Variants in HHAT observed in about 807,000 individuals in gnomAD.
HHAT encodes protein-cysteine N-palmitoyltransferase HHAT.
HHAT carries 47 observed loss-of-function variants against 70.8 expected under a neutral mutation model. The ratio of observed to expected loss-of-function variants is 0.66; its 90% CI spans 0.53 to 0.85. HHAT has a LOEUF of 0.85. HHAT is among the 40% of genes least tolerant of loss of function. The pLI, the probability that HHAT is intolerant of heterozygous loss-of-function variation, is 0.00. For missense variants in HHAT, 609 were observed against 604.8 expected (o/e 1.01, Z -0.07); for synonymous variants, 228 against 247.6 (o/e 0.92, Z 0.74).
chr1:210,377,633 T>C (rs745816030), intron 3 of HHAT, among the ~76,000 whole-genome samples: 2 of 152,204 alleles, frequency 1.3e-5, no homozygotes, highest in African/African-American at 2.4e-5. Flanking sequence ...TGAGTTTAGG[T>C]TGGCAGTTGG....
rs1446826223 is a variant in HHAT at position 210,335,193 on chromosome 1, A to C, written c.-44+6089A>C. ...ATAAAAAGGATAATAAATCATGACCAAGTTGGATTTATTTCAGGAATGTAA... is the reference window on the plus strand; with the variant it reads ...ATAAAAAGGATAATAAATCATGACCCAGTTGGATTTATTTCAGGAATGTAA... On this transcript the variant is annotated intron_variant, in intron 1 of 11. Transcript: ENST00000261458. 2.6e-5 allele frequency among the ~76,000 whole-genome samples: 4 copies of C among 152,270 alleles called. No homozygotes were observed. The East Asian group carries it at 5.8e-4, about 22-fold the overall frequency.
chr1:210,522,403 AAAGTGAAGAACATGT>A (rs1447988344), intron 9 of HHAT, among the ~76,000 whole-genome samples: 3 of 152,240 alleles, frequency 2.0e-5, no homozygotes, highest in Non-Finnish European at 4.4e-5. Context: ...TTTTAAATAA[AAAGTGAAGAACATGT>A]AAGTGAAGAG....
intron 8 of HHAT, among the ~76,000 whole-genome samples, chr1:210,508,483 T>C (rs2094900699): frequency 6.7e-6 from 1 of 150,304 alleles, no homozygotes; most frequent in Admixed American, 6.7e-5. Context: ...TAACAGTTTA[T>C]AGTTTTAAAT....
chr1:210,505,348 T>G (rs1453036089), intron 8 of HHAT, among the ~76,000 whole-genome samples: 1 of 152,168 alleles, frequency 6.6e-6, no homozygotes, highest in African/African-American at 2.4e-5. Context: ...AATAAAGATG[T>G]TGCTTGAGAC....
intron 3 of HHAT, among the ~76,000 whole-genome samples, chr1:210,385,915 T>C (rs888778483): frequency 1.3e-4 from 20 of 152,170 alleles, no homozygotes; most frequent in Admixed American, 3.3e-4. Context: ...ACAGAAAGGT[T>C]AAGAATCATG....
intron 11 of HHAT, among the ~76,000 whole-genome samples, chr1:210,648,345 C>T (rs1292464912): frequency 6.6e-6 from 1 of 152,218 alleles, no homozygotes; most frequent in African/African-American, 2.4e-5. Flanking sequence ...TGCTGCCTCA[C>T]TGATCCTCAG....
intron 3 of HHAT, among the ~76,000 whole-genome samples, chr1:210,375,675 C>T (rs563375128): frequency 2.0e-5 from 3 of 150,368 alleles, no homozygotes; most frequent in African/African-American, 7.3e-5. Context: ...TTTTTTTTTG[C>T]CATTATTTCT....
At chr1:210,530,005 C>T (rs541299289) in intron 9 of HHAT, among the ~76,000 whole-genome samples, 20 of 152,248 alleles carry the variant, frequency 1.3e-4, no homozygotes, top group African/African-American at 3.6e-4. Context: ...GTTCTCACAG[C>T]GACTCGGTGT....
intron 7 of HHAT, among the ~76,000 whole-genome samples, chr1:210,456,748 G>A (rs1420115208): frequency 6.6e-6 from 1 of 152,184 alleles, no homozygotes; most frequent in Admixed American, 6.5e-5. Context: ...TAGCTCTAGA[G>A]GTTTAGGTTG....
At chr1:210,363,581 T>C (rs1176194722) in intron 3 of HHAT, among the ~76,000 whole-genome samples, 1 of 152,276 alleles carries the variant, frequency 6.6e-6, no homozygotes, top group East Asian at 1.9e-4. Context: ...CTGTCCCTTT[T>C]AGGCTGGGGT....
At chr1:210,395,273 T>G (rs1427609354) in intron 4 of HHAT, among the ~76,000 whole-genome samples, 1 of 152,168 alleles carries the variant, frequency 6.6e-6, no homozygotes, top group African/African-American at 2.4e-5. Flanking sequence ...CATACCCTAT[T>G]ATCACTTGGC....
At chr1:210,387,923 TTGA>T (rs2091203352) in intron 4 of HHAT, among the ~76,000 whole-genome samples, 1 of 152,146 alleles carries the variant, frequency 6.6e-6, no homozygotes, top group Non-Finnish European at 1.5e-5. Flanking sequence ...CAGAAGAAAG[TTGA>T]TGATTTACTT....
At chr1:210,508,198 CAAA>C (rs10656040) in intron 8 of HHAT, among the ~76,000 whole-genome samples, 152 of 89,438 alleles carry the variant, frequency 1.7e-3, no homozygotes, top group Admixed American at 4.8e-3. Flanking sequence ...GACTCCTTCT[CAAA>C]AAAAAAAAAA....
chr1:210,658,628 A>G (rs932821685), intron 11 of HHAT, among the ~76,000 whole-genome samples: 3 of 152,226 alleles, frequency 2.0e-5, no homozygotes, highest in African/African-American at 4.8e-5. Flanking sequence ...AATCAACAGA[A>G]TATACATTCT....
chr1:210,502,637 A>G (rs2094781340), intron 8 of HHAT, among the ~76,000 whole-genome samples: 2 of 152,170 alleles, frequency 1.3e-5, no homozygotes, highest in East Asian at 1.9e-4. Context: ...TCTGTTAGGT[A>G]CCATTGGCTG....
intron 6 of HHAT, among the ~76,000 whole-genome samples, chr1:210,410,934 T>C (rs2092530697): frequency 6.6e-6 from 1 of 152,250 alleles, no homozygotes. Flanking sequence ...TGTAGTGACA[T>C]GTAATTATGC....
chr1:210,575,166 G>T (rs1232108286), intron 9 of HHAT, among the ~76,000 whole-genome samples: 1 of 152,160 alleles, frequency 6.6e-6, no homozygotes, highest in Non-Finnish European at 1.5e-5. Flanking sequence ...CTCTGTGGTG[G>T]GAGAAATCAT....
chr1:210,392,107 G>T (rs2091497614), intron 4 of HHAT, among the ~76,000 whole-genome samples: 1 of 152,184 alleles, frequency 6.6e-6, no homozygotes, highest in South Asian at 2.1e-4. Context: ...GGCCTCAAGT[G>T]ATCCTCCCAT....
At chr1:210,663,880 C>T (rs1350694282) in intron 11 of HHAT, among the ~76,000 whole-genome samples, 6 of 152,206 alleles carry the variant, frequency 3.9e-5, no homozygotes, top group African/African-American at 1.2e-4. Context: ...GCTTCAATTT[C>T]GAATAGATGA....
Sources: gnomAD v4.1 joint callset for allele counts (sites outside exome capture counted in the v4.1 genomes callset) on GRCh38, gnomAD v4.1.1 for gene constraint, MANE v1.5 for transcripts, NCBI Gene and HGNC (gene_info 2026-07-23, HGNC 2026-07-21) for gene names.